Variants in CLCA1 observed in about 807,000 individuals in gnomAD.
The protein encoded by CLCA1 is calcium-activated chloride channel regulator 1.
CLCA1 carries 59 observed loss-of-function variants against 85.6 expected under a neutral mutation model. The observed-to-expected ratio is 0.69, with a 90% CI of 0.56 to 0.86. The LOEUF (loss-of-function observed/expected upper bound fraction) is 0.86, where lower values mean the gene tolerates loss of function less well. Ranked by LOEUF, CLCA1 falls within the 40% of genes least tolerant of loss-of-function variation. CLCA1 has a pLI of 0.00. For synonymous variants in CLCA1, 396 were observed against 398.3 expected, an observed-to-expected ratio of 0.99 and a Z score of 0.07; for missense variants, 1,022 against 1,101.4, an observed-to-expected ratio of 0.93 and a Z score of 1.02.
Position 86,483,373 on chromosome 1 carries a change from A to G in CLCA1, c.735+991A>G, listed in dbSNP as rs1570283838. Among the ~76,000 whole-genome samples the G allele has an allele frequency of 3.3e-5, 5 of 152,128 alleles. No homozygotes were observed. In the South Asian group the frequency reaches 1.0e-3, roughly 32 times the overall value. On this transcript the variant is annotated intron_variant, in intron 5 of 13. Coordinates refer to ENST00000394711, the MANE Select transcript of CLCA1 (RefSeq NM_001285.4). ...AACATTACCGAAACACATGACCTGA[A>G]AAACGCACATAAAGAGAAAAATGTT...
In CLCA1 at chr1:86,497,277, C is replaced by T. The variant is rs116254015; in HGVS notation, c.2114-1295C>T. 7.9e-3 allele frequency among the ~76,000 whole-genome samples: 1,197 copies of T among 152,312 alleles called. 14 individuals are homozygous for T. The highest frequency in any genetic ancestry group is 0.027 in the African/African-American group (1,137 of 41,568). On this transcript the variant is annotated intron_variant, in intron 12 of 13. Transcript: ENST00000394711. ...CGATAAGCCTTAATGGCAGTCTCTACTGGTGCTTTCAACATGAACCCTGAA... is the reference window on the plus strand; with the variant it reads ...CGATAAGCCTTAATGGCAGTCTCTATTGGTGCTTTCAACATGAACCCTGAA...
At chr1:86,478,864 G>C (rs1033092150) in intron 4 of CLCA1, among the ~76,000 whole-genome samples, 4 of 152,138 alleles carry the variant, frequency 2.6e-5, no homozygotes, top group African/African-American at 9.7e-5. Flanking sequence ...AGGCTTAGAA[G>C]CAATCACACA....
Position 86,485,684 on chromosome 1 carries a change from T to A in CLCA1, c.954+123T>A, listed in dbSNP as rs1410752669. ...GCCAGAATAGTTATAACTGTAACAT[T>A]GTCTTCAGAAATGCCCACTTCAACT... On this transcript the variant is annotated intron_variant, in intron 6 of 13. Transcript: ENST00000394711. 1.2e-5 allele frequency: 10 copies of A among 831,202 alleles called. No homozygotes were observed. The African/African-American group carries it at 1.4e-4, about 11-fold the overall frequency. The allele number at this position is 831,202 out of a possible 1,614,324, so 51.5% of individuals were successfully genotyped here.
intron 11 of CLCA1, among the ~76,000 whole-genome samples, chr1:86,494,966 G>A (rs1648234434): frequency 6.6e-6 from 1 of 151,194 alleles, no homozygotes; most frequent in Non-Finnish European, 1.5e-5. Context: ...TGCCCCAAAA[G>A]TGAAAATTCT....
chr1:86,486,742 T>C lies in CLCA1; in HGVS notation c.1171T>C (p.Ser391Pro). ...GACGTCCATCTGCAGCGGGCTTCGA[T>C]CGGCATTTACTGTGAGATGTGTTTT... ...GGTSICSGLR[S>P]AFTVIRKKYP... The change falls in exon 7 of 14, where the codon TCG (serine) becomes CCG (proline). Residue 391 changes from serine to proline, a missense_variant. By Grantham distance (74) the Ser-to-Pro change is moderately conservative (BLOSUM62 -1). Coordinates refer to ENST00000394711, the MANE Select transcript of CLCA1 (RefSeq NM_001285.4). 1 of 1,614,178 alleles carries C rather than the reference T, an allele frequency of 6.2e-7. No homozygotes were observed.
At chr1:86,484,391 G>C (rs187299065) in intron 5 of CLCA1, among the ~76,000 whole-genome samples, 22 of 152,284 alleles carry the variant, frequency 1.4e-4, no homozygotes, top group Admixed American at 1.2e-3. Flanking sequence ...GATGCCAAAG[G>C]CTGGCAAGTT....
At chr1:86,483,506 T>A (rs1318876539) in intron 5 of CLCA1, among the ~76,000 whole-genome samples, 1 of 152,106 alleles carries the variant, frequency 6.6e-6, no homozygotes, top group Non-Finnish European at 1.5e-5. Context: ...GTTACTTTTC[T>A]TTTGTATACT....
At chr1:86,472,025 T>G (rs1271706622) in intron 1 of CLCA1, among the ~76,000 whole-genome samples, 1 of 56,634 alleles carries the variant, frequency 1.8e-5, no homozygotes, top group Non-Finnish European at 4.5e-5. Flanking sequence ...TTTACATTTT[T>G]GTTTTTTTTT....
chr1:86,473,620 C>A (rs1434143415), intron 2 of CLCA1, 63 bp downstream of exon 2: 4 of 1,486,854 alleles, frequency 2.7e-6, no homozygotes, highest in Admixed American at 2.0e-5. Context: ...TTTTTAAAAT[C>A]AAAATATTCT....
chr1:86,482,460 G>A, intron 5 of CLCA1, 78 bp downstream of exon 5: 1 of 1,349,692 alleles, frequency 7.4e-7, no homozygotes. Context: ...CTCCAAGGGA[G>A]AATCAAAGTT....
intron 12 of CLCA1, among the ~76,000 whole-genome samples, chr1:86,497,790 G>A (rs1648331366): frequency 6.6e-6 from 1 of 152,182 alleles, no homozygotes; most frequent in South Asian, 2.1e-4. Flanking sequence ...GAAAGATAAT[G>A]AAACTCACAC....
At position 86,498,738 on chromosome 1, in the gene CLCA1, G is replaced by A; in HGVS notation, c.2280G>A (p.Lys760=). The change falls in exon 13 of 14, where the codon AAG becomes AAA. Residue 760 remains lysine (K), a synonymous_variant. Coordinates refer to ENST00000394711, the MANE Select transcript of CLCA1 (RefSeq NM_001285.4). ...LFPPGQITDL[K]AEIHGGSLIN... is the part of the protein sequence containing the mutation. Reference sequence around the variant, plus strand: ...CACCTGGCCAAATCACCGACCTGAAGGCGGAAATTCACGGGGGCAGTCTCA... The same window carrying A: ...CACCTGGCCAAATCACCGACCTGAAAGCGGAAATTCACGGGGGCAGTCTCA... 1 of 1,614,100 alleles carries A rather than the reference G, an allele frequency of 6.2e-7. No individual in the cohort carries two copies. Among genetic ancestry groups the A allele is most frequent in the South Asian group, 1.1e-5 (1 of 91,080 alleles).
rs765718941 is a variant in CLCA1 at position 86,493,491 on chromosome 1, G to T, written c.1572G>T (p.Met524Ile). The change falls in exon 10 of 14, where the codon ATG becomes ATT. Residue 524 changes from methionine to isoleucine, a missense_variant. Coordinates refer to ENST00000394711, the MANE Select transcript of CLCA1 (RefSeq NM_001285.4). ...CTTTGTTTCTTATCACCTGGACAAT[G>T]CAGCCTCCCCAAATCCTTCTCTGGG... Reference protein sequence around the residue: ...KDTLFLITWTMQPPQILLWDP... With the variant: ...KDTLFLITWTIQPPQILLWDP... The T allele has an allele frequency of 6.2e-7, 1 of 1,614,012 alleles. No homozygotes were observed. The highest frequency in any genetic ancestry group is 2.2e-5 in the East Asian group (1 of 44,878).
At chr1:86,479,432 T>C (rs2101732802) in intron 4 of CLCA1, among the ~76,000 whole-genome samples, 1 of 152,112 alleles carries the variant, frequency 6.6e-6, no homozygotes, top group Non-Finnish European at 1.5e-5. Flanking sequence ...ATATATAGGG[T>C]TTATGAAACG....
intron 6 of CLCA1, 70 bp from the exon 7 acceptor site, chr1:86,486,456 C>T (rs1647971410): frequency 7.0e-7 from 1 of 1,434,488 alleles, no homozygotes; most frequent in Non-Finnish European, 9.7e-7. Flanking sequence ...TTCCAAATTC[C>T]CTATGGCCTT....
intron 5 of CLCA1, 62 bp downstream of exon 5, chr1:86,482,444 C>A: frequency 6.9e-7 from 1 of 1,452,284 alleles, no homozygotes; most frequent in Non-Finnish European, 9.5e-7. Context: ...GCTTTTACTC[C>A]AAGTGCTCCA....
intron 10 of CLCA1, among the ~76,000 whole-genome samples, 163 bp from the exon 11 acceptor site, chr1:86,494,024 C>T (rs1456589402): frequency 6.6e-6 from 1 of 152,186 alleles, no homozygotes; most frequent in Non-Finnish European, 1.5e-5. Flanking sequence ...AGTTCAAACA[C>T]ACTGAAGCTC....
In CLCA1 at chr1:86,469,101, C is replaced by T. The variant is rs780428205; in HGVS notation, c.130C>T (p.Pro44Ser). The change falls in exon 1 of 14, where the codon CCA becomes TCA. Residue 44 changes from proline (P) to serine (S), a missense_variant. Coordinates refer to ENST00000394711, the MANE Select transcript of CLCA1 (RefSeq NM_001285.4). ...TGTCGTTGCAATCGACCCCAATGTG[C>T]CAGAAGATGAAACACTCATTCAACA... The part of the protein sequence containing the change: ...GIVVAIDPNV[P>S]EDETLIQQIK... 3 of 1,608,682 alleles carry T rather than the reference C, an allele frequency of 1.9e-6. No homozygotes were observed. Among genetic ancestry groups the T allele is most frequent in the Admixed American group, 3.4e-5 (2 of 59,342 alleles).
At position 86,469,092 on chromosome 1, in the gene CLCA1, C is replaced by T; in HGVS notation, c.121C>T (p.Pro41Ser). 1 of 1,610,414 alleles carries T rather than the reference C, an allele frequency of 6.2e-7. No homozygotes were observed. The highest frequency in any genetic ancestry group is 1.1e-5 in the South Asian group (1 of 90,190). The change falls in exon 1 of 14, where the codon CCC (proline) becomes TCC (serine). Residue 41 changes from proline (P) to serine (S), a missense_variant. Coordinates refer to ENST00000394711, the MANE Select transcript of CLCA1 (RefSeq NM_001285.4). ...TGAAGGCATTGTCGTTGCAATCGAC[C>T]CCAATGTGCCAGAAGATGAAACACT... ...GYEGIVVAID[P>S]NVPEDETLIQ...
Sources: allele counts gnomAD v4.1 joint callset (sites outside exome capture counted in the v4.1 genomes callset), GRCh38; gene constraint gnomAD v4.1.1; transcripts MANE v1.5; gene names NCBI Gene and HGNC (gene_info 2026-07-23, HGNC 2026-07-21).